The following GNG2 variants were observed in gnomAD, a reference collection of about 807,000 sequenced individuals.
GNG2 encodes the protein guanine nucleotide-binding protein G(I)/G(S)/G(O) subunit gamma-2.
Under a neutral mutation model 5.5 loss-of-function variants are expected in GNG2, and 5 were observed. That is an observed-to-expected ratio of 0.91 (90% CI 0.48 to 1.92). The LOEUF (loss-of-function observed/expected upper bound fraction) is 1.92, where lower values mean the gene tolerates loss of function less well. Ranked by LOEUF, GNG2 falls within the 30% of genes most tolerant of loss-of-function variation. The pLI, the probability that GNG2 is intolerant of heterozygous loss-of-function variation, is 0.01. For synonymous variants in GNG2, 28 were observed against 32.0 expected, an observed-to-expected ratio of 0.88 and a Z score of 0.42; for missense variants, 55 against 88.4, an observed-to-expected ratio of 0.62 and a Z score of 1.52.
intron 2 of GNG2, chr14:51,916,489 A>G (rs1020719413): frequency 2.2e-6 from 1 of 449,040 alleles, no homozygotes; most frequent in African/African-American, 2.1e-5. Context: ...AGTGCTAAAA[A>G]TTTTCCACGA....
Position 51,969,385 on chromosome 14 carries a change from G to A in GNG2, c.*2698G>A, listed in dbSNP as rs1018066750. The A allele has an allele frequency of 4.6e-5, 7 of 152,130 alleles. No individual in the cohort carries two copies. Among genetic ancestry groups the A allele is most frequent in the African/African-American group, 1.7e-4 (7 of 41,432 alleles). 9.4% of individuals were successfully genotyped at this position (152,130 alleles called of 1,614,324 possible). A position where few individuals can be genotyped will look rare whatever the true frequency, so the allele number is the denominator to read the frequency against. The stretch of plus-strand genomic sequence containing the variant: ...TACTGTTTAATTTCAATCAGAAGAT[G>A]CAAATACATACTTTGATCTATGTTT... On this transcript the variant is annotated 3_prime_UTR_variant, in exon 4 of 4. Transcript: ENST00000556766.
intron 2 of GNG2, among the ~76,000 whole-genome samples, chr14:51,840,674 TAAAG>T (rs1244770121): frequency 2.6e-5 from 4 of 152,206 alleles, no homozygotes; most frequent in Non-Finnish European, 4.4e-5. Context: ...AGTGAATGGA[TAAAG>T]AGAGAAAGAA....
At chr14:51,934,208 A>G (rs1887828920) in intron 2 of GNG2, among the ~76,000 whole-genome samples, 1 of 152,168 alleles carries the variant, frequency 6.6e-6, no homozygotes, top group African/African-American at 2.4e-5. Flanking sequence ...GAGAAAAGGC[A>G]GTAAGCTCCG....
At chr14:51,837,014 C>T (rs956408150) in intron 2 of GNG2, among the ~76,000 whole-genome samples, 1 of 151,890 alleles carries the variant, frequency 6.6e-6, no homozygotes, top group African/African-American at 2.4e-5. Context: ...CCTGCCACCA[C>T]ACCTGGCTAA....
chr14:51,968,367 T>TA lies in GNG2; in HGVS notation c.*1689dup, dbSNP rs72244277. 2 of 150,974 alleles carry TA rather than the reference T, an allele frequency of 1.3e-5. No individual in the cohort carries two copies. Among genetic ancestry groups the TA allele is most frequent in the African/African-American group, 2.5e-5 (1 of 40,736 alleles). The allele number at this position is 150,974 out of a possible 1,614,324, so 9.4% of individuals were successfully genotyped here. A position where few individuals can be genotyped will look rare whatever the true frequency, so the allele number is the denominator to read the frequency against. Reference sequence around the variant, plus strand: ...TATTCGCTTTCTCCTGTTTTTTTTTTAAAAAAAAAGCATGAAAAAGGAAGA... The same window carrying TA: ...TATTCGCTTTCTCCTGTTTTTTTTTTAAAAAAAAAAGCATGAAAAAGGAAGA... On this transcript the variant is annotated 3_prime_UTR_variant, in exon 4 of 4. Transcript: ENST00000556766.
chr14:51,955,348 T>G (rs1421885210), intron 3 of GNG2, among the ~76,000 whole-genome samples: 1 of 152,184 alleles, frequency 6.6e-6, no homozygotes, highest in East Asian at 1.9e-4. Flanking sequence ...AGGGGTCAGC[T>G]CAAGTTCCTA....
chr14:51,902,986 GA>G (rs1594895222), intron 2 of GNG2, among the ~76,000 whole-genome samples: 2 of 152,290 alleles, frequency 1.3e-5, no homozygotes, highest in Admixed American at 6.5e-5. Context: ...ATCACTTTCT[GA>G]AAGGACCTAC....
intron 1 of GNG2, among the ~76,000 whole-genome samples, chr14:51,876,416 T>C (rs554798895): frequency 6.6e-6 from 1 of 152,320 alleles, no homozygotes; most frequent in African/African-American, 2.4e-5. Context: ...AAACAATGAC[T>C]GAGAACATAT....
At chr14:51,898,851 C>T (rs1223283616) in intron 2 of GNG2, among the ~76,000 whole-genome samples, 1 of 152,188 alleles carries the variant, frequency 6.6e-6, no homozygotes, top group Non-Finnish European at 1.5e-5. Context: ...AGTGCTCCTA[C>T]TGCAATACCA....
chr14:51,854,519 T>G (rs1882059556), intron 2 of GNG2, among the ~76,000 whole-genome samples: 1 of 152,074 alleles, frequency 6.6e-6, no homozygotes, highest in African/African-American at 2.4e-5. Flanking sequence ...TGTTTTTATT[T>G]TTATTTTTTA....
intron 2 of GNG2, among the ~76,000 whole-genome samples, chr14:51,935,831 CAGAG>C (rs1887966533): frequency 6.6e-6 from 1 of 151,990 alleles, no homozygotes; most frequent in African/African-American, 2.4e-5. Context: ...GTCACATGGC[CAGAG>C]AGAGAGCAGG....
upstream of GNG2, chr14:51,860,378 G>C (rs1299153389): frequency 6.5e-6 from 1 of 152,986 alleles, no homozygotes; most frequent in Non-Finnish European, 1.5e-5. Context: ...GATGAGAAAA[G>C]GGGAAGGAAG....
Position 51,932,271 on chromosome 14 carries a change from A to AAAAAAAAAAAAAAAAAAG in GNG2, c.-29-18378_-29-18377insAAAAAAAAAAAAAAAAGA, listed in dbSNP as rs60014306. On this transcript the variant is annotated intron_variant, in intron 2 of 3. Transcript: ENST00000556766. ...CAAAAAAAAAAAAAAAAAAAAAAAA[A>AAAAAAAAAAAAAAAAAAG]AGAAAAGAAAATATGGTATATATGC... Among the ~76,000 whole-genome samples the AAAAAAAAAAAAAAAAAAG allele has an allele frequency of 8.3e-5, 8 of 96,360 alleles. 2 individuals are homozygous for AAAAAAAAAAAAAAAAAAG. The highest frequency in any genetic ancestry group is 1.6e-4 in the Non-Finnish European group (8 of 48,788). The allele number at this position is 96,360 out of a possible 152,430, so 63.2% of individuals were successfully genotyped here. A position where few individuals can be genotyped will look rare whatever the true frequency, so the allele number is the denominator to read the frequency against.
At chr14:51,936,530 T>TA (rs1555356254) in intron 2 of GNG2, among the ~76,000 whole-genome samples, 11 of 150,154 alleles carry the variant, frequency 7.3e-5, no homozygotes, top group Admixed American at 2.0e-4. Context: ...TTTTTTTTTT[T>TA]ACTCCATTGA....
chr14:51,865,470 A>G (rs1236564244), intron 1 of GNG2, among the ~76,000 whole-genome samples: 2 of 152,238 alleles, frequency 1.3e-5, no homozygotes, highest in Non-Finnish European at 2.9e-5. Flanking sequence ...AAAAATTTAT[A>G]AAGGACTTAG....
chr14:51,896,661 T>C (rs1331109657), intron 2 of GNG2, among the ~76,000 whole-genome samples: 1 of 152,196 alleles, frequency 6.6e-6, no homozygotes, highest in Non-Finnish European at 1.5e-5. Flanking sequence ...TTGATTTACA[T>C]AGAAATAATT....
chr14:51,897,805 G>A (rs1885297019), intron 2 of GNG2, among the ~76,000 whole-genome samples: 1 of 152,150 alleles, frequency 6.6e-6, no homozygotes, highest in Admixed American at 6.5e-5. Context: ...GGTCCCATAG[G>A]GGCATAACAG....
intron 3 of GNG2, among the ~76,000 whole-genome samples, chr14:51,965,274 G>T (rs374552791): frequency 1.3e-5 from 2 of 152,260 alleles, no homozygotes; most frequent in South Asian, 2.1e-4. Flanking sequence ...TAGTTGCTTT[G>T]ATATCCTTTC....
chr14:51,926,829 A>G (rs1426817001), intron 2 of GNG2, among the ~76,000 whole-genome samples: 1 of 152,110 alleles, frequency 6.6e-6, no homozygotes, highest in Non-Finnish European at 1.5e-5. Flanking sequence ...CTGCAAGCCT[A>G]ATTTTTCATG....
Sources: allele counts gnomAD v4.1 joint callset (sites outside exome capture counted in the v4.1 genomes callset), GRCh38; gene constraint gnomAD v4.1.1; transcripts MANE v1.5; gene names NCBI Gene and HGNC (gene_info 2026-07-23, HGNC 2026-07-21).